CSGALNACT1: variants seen among roughly 807,000 people sequenced by gnomAD.
CSGALNACT1 encodes the protein beta4GalNAcT-1.
A neutral mutation model predicts 51.0 loss-of-function variants in CSGALNACT1; 52 were observed. That is an observed-to-expected ratio of 1.02 (90% CI 0.82 to 1.29). The LOEUF (loss-of-function observed/expected upper bound fraction) is 1.29, where lower values mean the gene tolerates loss of function less well. CSGALNACT1 is among the 50% of genes most tolerant of loss of function. The pLI is 0.00. For synonymous variants in CSGALNACT1, 341 were observed against 254.4 expected (o/e 1.34, Z -3.24); for missense variants, 935 against 679.2 (o/e 1.38, Z -4.19).
At chr8:19,446,077 A>T (rs559292381) in intron 5 of CSGALNACT1, among the ~76,000 whole-genome samples, 2 of 152,270 alleles carry the variant, frequency 1.3e-5, no homozygotes, top group South Asian at 4.1e-4. Flanking sequence ...TGGGAGGCCG[A>T]GGGAGGAGAA....
intron 1 of CSGALNACT1, among the ~76,000 whole-genome samples, chr8:19,719,529 A>C (rs576154658): frequency 6.6e-6 from 1 of 152,336 alleles, no homozygotes; most frequent in East Asian, 1.9e-4. Context: ...TTTTCAGAAA[A>C]AAACAACAAG....
At chr8:19,664,121 A>T (rs1350619553) in intron 1 of CSGALNACT1, among the ~76,000 whole-genome samples, 2 of 152,148 alleles carry the variant, frequency 1.3e-5, no homozygotes, top group South Asian at 2.1e-4. Context: ...TTTATTTGCC[A>T]TTACTTCTTG....
At chr8:19,466,372 A>G (rs900917451) in intron 4 of CSGALNACT1, among the ~76,000 whole-genome samples, 12 of 152,206 alleles carry the variant, frequency 7.9e-5, no homozygotes, top group African/African-American at 2.4e-4. Flanking sequence ...AAAACACTTC[A>G]GCCATGTAAA....
At position 19,406,088 on chromosome 8, in the gene CSGALNACT1, C is replaced by T. The variant is rs767676796; in HGVS notation, c.1310-19G>A. 10 of 1,613,954 alleles carry T rather than the reference C, an allele frequency of 6.2e-6. No individual in the cohort carries two copies. Among genetic ancestry groups the T allele is most frequent in the Non-Finnish European group, 8.5e-6 (10 of 1,180,002 alleles). On this transcript the variant is annotated intron_variant, in intron 9 of 9. Coordinates refer to ENST00000454498, the Ensembl canonical transcript of CSGALNACT1. ...AACCCACCTGTCGGGACAGAACACA[C>T]TGTTGAATCACACTGCACTGATCTG...
chr8:19,526,770 G>A lies in CSGALNACT1; in HGVS notation c.-296-20640C>T, dbSNP rs558326881. Among the ~76,000 whole-genome samples, 17 of 152,092 alleles carry A rather than the reference G, an allele frequency of 1.1e-4. No individual in the cohort carries two copies. The South Asian group carries it at 2.7e-3, about 24-fold the overall frequency. ...ATCCTTTACCAAACTTCAAACAAAC[G>A]ACTACTTCTCCAACAGGTATTTCAT... On this transcript the variant is annotated intron_variant, in intron 3 of 9. Coordinates refer to ENST00000454498, the Ensembl canonical transcript of CSGALNACT1.
chr8:19,473,715 C>G (rs1264505160), intron 4 of CSGALNACT1, among the ~76,000 whole-genome samples: 1 of 152,168 alleles, frequency 6.6e-6, no homozygotes, highest in Non-Finnish European at 1.5e-5. Context: ...GTTGGAATGA[C>G]TCATCTAATT....
At chr8:19,442,668 A>T (rs1332506757) in intron 5 of CSGALNACT1, among the ~76,000 whole-genome samples, 1 of 150,942 alleles carries the variant, frequency 6.6e-6, no homozygotes, top group African/African-American at 2.4e-5. Context: ...ATGTATACAT[A>T]TGTAACAAAC....
intron 5 of CSGALNACT1, among the ~76,000 whole-genome samples, chr8:19,456,142 A>C (rs2064040834): frequency 6.6e-6 from 1 of 152,176 alleles, no homozygotes; most frequent in Non-Finnish European, 1.5e-5. Context: ...TCTCAATGAA[A>C]CTTCCCTTCC....
At chr8:19,691,507 C>G (rs1238964097) in intron 1 of CSGALNACT1, among the ~76,000 whole-genome samples, 1 of 152,172 alleles carries the variant, frequency 6.6e-6, no homozygotes, top group Non-Finnish European at 1.5e-5. Flanking sequence ...CCTGTTAGAC[C>G]AAACAACTAA....
At chr8:19,427,385 G>A (rs1470731257) in intron 6 of CSGALNACT1, among the ~76,000 whole-genome samples, 6 of 152,212 alleles carry the variant, frequency 3.9e-5, no homozygotes, top group Non-Finnish European at 8.8e-5. Context: ...TTTGAATCGA[G>A]AAATCAAAGC....
upstream of CSGALNACT1, among the ~76,000 whole-genome samples, chr8:19,604,698 G>C (rs868238614): frequency 5.3e-5 from 8 of 150,264 alleles, no homozygotes; most frequent in Admixed American, 2.6e-4. Flanking sequence ...ACAATGTCAG[G>C]AGATCAAGAC....
exon 4 of CSGALNACT1, chr8:19,505,477 G>A (rs770695307): frequency 1.2e-5 from 19 of 1,614,062 alleles, no homozygotes; most frequent in Admixed American, 1.7e-5. Flanking sequence ...AAGGCCAGGA[G>A]GTCGGCCTGG....
At chr8:19,557,827 G>C (rs1372606166) in intron 3 of CSGALNACT1, among the ~76,000 whole-genome samples, 1 of 152,128 alleles carries the variant, frequency 6.6e-6, no homozygotes, top group Non-Finnish European at 1.5e-5. Flanking sequence ...CATGAGGAAG[G>C]AACTTCGTTT....
intron 4 of CSGALNACT1, among the ~76,000 whole-genome samples, chr8:19,489,183 A>C (rs2073806953): frequency 6.8e-6 from 1 of 147,942 alleles, no homozygotes; most frequent in Non-Finnish European, 1.5e-5. Context: ...TCCAGTGAGA[A>C]AATCAGTATG....
chr8:19,585,780 T>A (rs1474465971), intron 3 of CSGALNACT1, among the ~76,000 whole-genome samples: 1 of 152,168 alleles, frequency 6.6e-6, no homozygotes, highest in Non-Finnish European at 1.5e-5. Flanking sequence ...TCAACCTCCA[T>A]GTTACCAAAT....
chr8:19,756,395 G>C (rs2065377179), intron 1 of CSGALNACT1, among the ~76,000 whole-genome samples: 1 of 152,136 alleles, frequency 6.6e-6, no homozygotes, highest in Non-Finnish European at 1.5e-5. Context: ...TATTTCCCGA[G>C]GCTCACTGTT....
chr8:19,487,205 A>G (rs1410222609), intron 4 of CSGALNACT1, among the ~76,000 whole-genome samples: 1 of 152,226 alleles, frequency 6.6e-6, no homozygotes, highest in East Asian at 1.9e-4. Context: ...CCAGAGACTC[A>G]TATGTCATGT....
rs907431014 is a variant in CSGALNACT1 at position 19,639,935 on chromosome 8, G to A, written c.-543-38070C>T. Among the ~76,000 whole-genome samples, 18 of 150,598 alleles carry A rather than the reference G, an allele frequency of 1.2e-4. 1 individual carries two copies. The highest frequency in any genetic ancestry group is 2.2e-4 in the Non-Finnish European group (15 of 67,834). Reference sequence around the variant, plus strand: ...TTCATTCCGTCTCTCAGGCTGGAATGCAGTGGTACAATCACTGTCCATTGC... The same window carrying A: ...TTCATTCCGTCTCTCAGGCTGGAATACAGTGGTACAATCACTGTCCATTGC... On this transcript the variant is annotated intron_variant, in intron 1 of 9. Coordinates refer to the CSGALNACT1 transcript ENST00000332246.
At chr8:19,556,399 G>A (rs2039441597) in intron 3 of CSGALNACT1, among the ~76,000 whole-genome samples, 1 of 147,866 alleles carries the variant, frequency 6.8e-6, no homozygotes, top group Non-Finnish European at 1.5e-5. Flanking sequence ...AAAAAAAAAA[G>A]ATGATTTTAT....
Sources: allele counts gnomAD v4.1 joint callset (sites outside exome capture counted in the v4.1 genomes callset), GRCh38; gene constraint gnomAD v4.1.1; transcripts MANE v1.5; gene names NCBI Gene and HGNC (gene_info 2026-07-23, HGNC 2026-07-21).